The following DUSP16 variants were observed in gnomAD, a reference collection of about 807,000 sequenced individuals.
DUSP16 encodes dual specificity phosphatase 16.
A neutral mutation model predicts 58.3 loss-of-function variants in DUSP16; 21 were observed. The ratio of observed to expected loss-of-function variants is 0.36; its 90% CI spans 0.26 to 0.52. The LOEUF is 0.52. DUSP16 is among the 20% of genes least tolerant of loss of function. The pLI, the probability that DUSP16 is intolerant of heterozygous loss-of-function variation, is 0.94. For missense variants in DUSP16, 726 were observed against 819.0 expected (o/e 0.89, Z 1.39); for synonymous variants, 320 against 323.8 (o/e 0.99, Z 0.12).
chr12:12,481,794 C>T (rs1222077277), intron 5 of DUSP16, among the ~76,000 whole-genome samples: 1 of 152,024 alleles, frequency 6.6e-6, no homozygotes, highest in African/African-American at 2.4e-5. Context: ...TACACAGTCT[C>T]ATGCCTTCCT....
intron 3 of DUSP16, among the ~76,000 whole-genome samples, chr12:12,502,550 A>ATTTTTTTTT (rs58116968): frequency 6.9e-5 from 9 of 130,896 alleles, no homozygotes; most frequent in African/African-American, 1.7e-4. Context: ...TCATGGTTTC[A>ATTTTTTTTT]TTTTTTTTTT....
At chr12:12,499,700 T>C (rs1362637944) in intron 4 of DUSP16, among the ~76,000 whole-genome samples, 1 of 152,180 alleles carries the variant, frequency 6.6e-6, no homozygotes, top group African/African-American at 2.4e-5. Context: ...AAATCACCAA[T>C]AGTTGAATTA....
chr12:12,540,815 T>C (rs1944541226), intron 1 of DUSP16, among the ~76,000 whole-genome samples: 1 of 152,086 alleles, frequency 6.6e-6, no homozygotes, highest in Admixed American at 6.5e-5. Flanking sequence ...CCAGCAAACT[T>C]CTACTAATTC....
chr12:12,483,422 T>C (rs963841226), intron 5 of DUSP16, among the ~76,000 whole-genome samples: 3 of 152,144 alleles, frequency 2.0e-5, no homozygotes, highest in African/African-American at 7.2e-5. Flanking sequence ...TTTTACATTA[T>C]CTATTTTAAT....
intron 6 of DUSP16, among the ~76,000 whole-genome samples, chr12:12,479,023 C>A (rs1943512573): frequency 6.6e-6 from 1 of 152,094 alleles, no homozygotes; most frequent in African/African-American, 2.4e-5. Flanking sequence ...CAAAATCACA[C>A]AGCTACTAAA....
chr12:12,479,567 T>C (rs1943522734), intron 6 of DUSP16, among the ~76,000 whole-genome samples: 1 of 151,932 alleles, frequency 6.6e-6, no homozygotes, highest in Non-Finnish European at 1.5e-5. Flanking sequence ...CTTTGCAATT[T>C]GAGAAAAAAA....
chr12:12,486,918 A>T, intron 5 of DUSP16, 110 bp downstream of exon 5: 1 of 1,325,768 alleles, frequency 7.5e-7, no homozygotes, highest in Non-Finnish European at 1.1e-6. Context: ...GACTTTTGAA[A>T]TCTCTGAAAT....
chr12:12,501,444 TCA>T (rs1189377053), intron 3 of DUSP16, among the ~76,000 whole-genome samples: 1 of 152,192 alleles, frequency 6.6e-6, no homozygotes, highest in Admixed American at 6.5e-5. Flanking sequence ...CTTCACTAAG[TCA>T]CAGTCTTGCC....
chr12:12,478,187 G>A (rs1240766359), intron 6 of DUSP16, among the ~76,000 whole-genome samples, 172 bp from the exon 7 acceptor site: 2 of 152,160 alleles, frequency 1.3e-5, no homozygotes, highest in Non-Finnish European at 2.9e-5. Context: ...AAAGGCCCTA[G>A]GCACTGGGGA....
chr12:12,512,818 C>T (rs928523190), intron 3 of DUSP16, among the ~76,000 whole-genome samples: 1 of 152,108 alleles, frequency 6.6e-6, no homozygotes, highest in Admixed American at 6.6e-5. Context: ...ATTTCAATCT[C>T]ATTTACCAAG....
Position 12,549,578 on chromosome 12 carries a change from A to G in DUSP16, c.-366+12539T>C, listed in dbSNP as rs572282957. Reference sequence around the variant, plus strand: ...TCTTCTGCCATCCCTTAGCTCTCCCAAAAGAAAAAAATAACAGTCTCCCCA... The same window carrying G: ...TCTTCTGCCATCCCTTAGCTCTCCCGAAAGAAAAAAATAACAGTCTCCCCA... On this transcript the variant is annotated intron_variant, in intron 1 of 6. Coordinates refer to ENST00000298573, the MANE Select transcript of DUSP16 (RefSeq NM_030640.3). 7.2e-5 allele frequency among the ~76,000 whole-genome samples: 11 copies of G among 152,208 alleles called. No homozygotes were observed. In the East Asian group the frequency reaches 2.1e-3, roughly 29 times the overall value.
intron 3 of DUSP16, among the ~76,000 whole-genome samples, chr12:12,512,228 A>C (rs1240739619): frequency 1.3e-5 from 2 of 152,192 alleles, no homozygotes; most frequent in Non-Finnish European, 2.9e-5. Flanking sequence ...AGTATGATTA[A>C]CAAACAAAAA....
chr12:12,484,770 C>T (rs1437756432), intron 5 of DUSP16, among the ~76,000 whole-genome samples: 3 of 150,202 alleles, frequency 2.0e-5, no homozygotes, highest in African/African-American at 2.4e-5. Context: ...TACAGGTGCC[C>T]GCCACCATGC....
chr12:12,493,825 C>T (rs1237279920), intron 4 of DUSP16, among the ~76,000 whole-genome samples: 1 of 152,176 alleles, frequency 6.6e-6, no homozygotes, highest in Non-Finnish European at 1.5e-5. Flanking sequence ...CACAGGTAAT[C>T]CCCAGCCCTC....
In DUSP16 at chr12:12,477,569, G is replaced by C. The variant is rs149924901; in HGVS notation, c.1262C>G (p.Ser421Cys). Residue 421 changes from serine to cysteine, a missense_variant, in exon 7 of 7, where the codon TCC (serine) becomes TGC (cysteine). Ser to Cys is a moderately radical substitution (Grantham distance 112). Coordinates refer to ENST00000298573, the MANE Select transcript of DUSP16 (RefSeq NM_030640.3). This position sits in a 1 kb window ranked among gnomAD's most constrained non-coding sequence, Gnocchi z 4.1. ...GTATTCCAAAGCATCTTCTGATGAG[G>C]AGAAGCCATGTAAGGATGCTGCCAT... Reference protein sequence around the residue: ...ASMAASLHGFSSSEDALEYYK... With the variant: ...ASMAASLHGFCSSEDALEYYK... 1 of 1,613,624 alleles carries C rather than the reference G, an allele frequency of 6.2e-7. No homozygotes were observed. The highest frequency in any genetic ancestry group is 8.5e-7 in the Non-Finnish European group (1 of 1,179,806).
At chr12:12,518,512 CAA>C (rs879763438) in intron 3 of DUSP16, among the ~76,000 whole-genome samples, 12 of 120,352 alleles carry the variant, frequency 1.0e-4, no homozygotes, top group Non-Finnish European at 1.1e-4. Flanking sequence ...AATTCTGTCT[CAA>C]AAAAAAAAAA....
intron 6 of DUSP16, among the ~76,000 whole-genome samples, chr12:12,479,400 G>A (rs927047274): frequency 2.6e-5 from 4 of 152,146 alleles, no homozygotes; most frequent in African/African-American, 9.7e-5. Flanking sequence ...GTGATAGAAG[G>A]GTGCCTTTTC....
rs1034950207 is a variant in DUSP16 at position 12,521,347 on chromosome 12, T to C, written c.-249A>G. The C allele has an allele frequency of 4.4e-6, 6 of 1,375,478 alleles. No individual in the cohort carries two copies. In the East Asian group the frequency reaches 1.4e-4, roughly 33 times the overall value. The allele number at this position is 1,375,478 out of a possible 1,614,324, so 85.2% of individuals were successfully genotyped here. A position where few individuals can be genotyped will look rare whatever the true frequency, so the allele number is the denominator to read the frequency against. On this transcript the variant is annotated 5_prime_UTR_variant, in exon 2 of 7. It removes an upstream start codon present in the reference 5' UTR. Coordinates refer to ENST00000298573, the MANE Select transcript of DUSP16 (RefSeq NM_030640.3). ...AAAGCAGCCCCTCACATTTGATTCATAAAGAGATGACTGGAATAACCATTC... is the reference window on the plus strand; with the variant it reads ...AAAGCAGCCCCTCACATTTGATTCACAAAGAGATGACTGGAATAACCATTC...
At chr12:12,514,010 T>C (rs536268901) in intron 3 of DUSP16, among the ~76,000 whole-genome samples, 3 of 152,316 alleles carry the variant, frequency 2.0e-5, no homozygotes, top group African/African-American at 7.2e-5. Flanking sequence ...AATAAATCAA[T>C]GTTGGCAACT....
Sources: gnomAD v4.1 joint callset for allele counts (sites outside exome capture counted in the v4.1 genomes callset) on GRCh38, gnomAD v4.1.1 for gene constraint, Gnocchi (gnomAD v3.1) non-coding constraint, MANE v1.5 for transcripts, NCBI Gene and HGNC (gene_info 2026-07-23, HGNC 2026-07-21) for gene names.